CSMD1: variants seen among roughly 807,000 people sequenced by gnomAD.
CSMD1 encodes CUB and sushi domain-containing protein 1.
CSMD1 carries 213 observed loss-of-function variants against 417.5 expected under a neutral mutation model. The observed-to-expected ratio is 0.51, with a 90% CI of 0.46 to 0.57. The LOEUF is 0.57. CSMD1 is among the 20% of genes least tolerant of loss of function. The probability of loss-of-function intolerance (pLI) is 0.00; values close to 1 mark genes in which losing one functional copy is unlikely to be tolerated. For missense variants in CSMD1, 6,923 were observed against 4,529.7 expected, an observed-to-expected ratio of 1.53 and a Z score of -15.17; for synonymous variants, 2,862 against 1,736.8, an observed-to-expected ratio of 1.65 and a Z score of -16.11.
intron 26 of CSMD1, among the ~76,000 whole-genome samples, chr8:3,251,150 C>G (rs905062383): frequency 2.0e-4 from 31 of 152,192 alleles, no homozygotes; most frequent in Non-Finnish European, 3.5e-4. Context: ...TGCCTATGTC[C>G]TGAATGGTAT....
chr8:3,133,294 C>T (rs1817894636), intron 41 of CSMD1, among the ~76,000 whole-genome samples: 1 of 152,214 alleles, frequency 6.6e-6, no homozygotes, highest in Non-Finnish European at 1.5e-5. Flanking sequence ...TTCTATCTCA[C>T]TGCTCTCTCA....
At chr8:4,972,705 T>C (rs553031368) in intron 1 of CSMD1, among the ~76,000 whole-genome samples, 4 of 142,514 alleles carry the variant, frequency 2.8e-5, no homozygotes, top group East Asian at 1.9e-4. Flanking sequence ...TTTAAAACTT[T>C]TGCTTTAGGT....
intron 1 of CSMD1, among the ~76,000 whole-genome samples, chr8:4,859,198 A>C (rs545628358): frequency 6.6e-6 from 1 of 152,050 alleles, no homozygotes; most frequent in Non-Finnish European, 1.5e-5. Flanking sequence ...GGTGCTGGGA[A>C]AACTGGCTAG....
At chr8:3,178,591 G>A (rs1453383005) in intron 37 of CSMD1, among the ~76,000 whole-genome samples, 3 of 152,090 alleles carry the variant, frequency 2.0e-5, no homozygotes, top group Non-Finnish European at 1.5e-5. Flanking sequence ...CTAGGACCCA[G>A]GAAGGCTAAA....
intron 5 of CSMD1, among the ~76,000 whole-genome samples, chr8:3,899,489 G>A (rs1312048402): frequency 6.6e-6 from 1 of 152,118 alleles, no homozygotes; most frequent in Non-Finnish European, 1.5e-5. Context: ...GTAGAAACTA[G>A]ACCTGGAAGG....
chr8:3,036,089 G>C (rs1810657408), intron 50 of CSMD1, among the ~76,000 whole-genome samples: 1 of 152,114 alleles, frequency 6.6e-6, no homozygotes, highest in East Asian at 1.9e-4. Context: ...GTGCATAAAA[G>C]ACACATTGCC....
intron 39 of CSMD1, among the ~76,000 whole-genome samples, chr8:3,153,931 A>G (rs554644548): frequency 1.3e-5 from 2 of 152,252 alleles, no homozygotes; most frequent in Middle Eastern, 3.4e-3. Flanking sequence ...AAGCGTAAAA[A>G]CAGAGCTCCC....
intron 1 of CSMD1, among the ~76,000 whole-genome samples, chr8:4,675,623 A>T (rs193149178): frequency 4.7e-4 from 71 of 151,696 alleles, no homozygotes; most frequent in African/African-American, 1.6e-3. Flanking sequence ...GACAGAATAA[A>T]CATAAAAAAA....
chr8:3,981,357 G>T (rs904655330), intron 5 of CSMD1, among the ~76,000 whole-genome samples: 3 of 152,030 alleles, frequency 2.0e-5, no homozygotes, highest in South Asian at 2.1e-4. Flanking sequence ...AGAGTGGAAG[G>T]GGGGTGAAGG....
chr8:3,546,498 C>T (rs186394937), intron 10 of CSMD1, among the ~76,000 whole-genome samples: 5 of 150,740 alleles, frequency 3.3e-5, no homozygotes, highest in Admixed American at 6.6e-5. Flanking sequence ...ATCCTGCCAC[C>T]GCACTCCAGC....
intron 52 of CSMD1, among the ~76,000 whole-genome samples, chr8:3,012,221 A>T (rs1315354223): frequency 2.0e-5 from 3 of 152,222 alleles, no homozygotes; most frequent in African/African-American, 4.8e-5. Context: ...AATTTCTCAC[A>T]AGGTTCTTCT....
chr8:3,956,537 T>G (rs942144298), intron 5 of CSMD1, among the ~76,000 whole-genome samples: 4 of 152,226 alleles, frequency 2.6e-5, no homozygotes, highest in African/African-American at 9.6e-5. Flanking sequence ...GTAAAAATAA[T>G]GGCTACTTTT....
chr8:4,633,471 G>A (rs141466016), intron 2 of CSMD1, among the ~76,000 whole-genome samples: 1,938 of 151,870 alleles, frequency 0.013, 19 homozygotes, highest in Middle Eastern at 0.024. Flanking sequence ...GGATGGTCTC[G>A]ATCTACTGAC....
intron 1 of CSMD1, among the ~76,000 whole-genome samples, chr8:4,719,638 T>C (rs1400145799): frequency 1.3e-5 from 2 of 152,204 alleles, no homozygotes; most frequent in Admixed American, 1.3e-4. Flanking sequence ...TTTTCCTATT[T>C]TGTTCAAAAG....
chr8:4,915,220 C>CAT (rs137975398), intron 1 of CSMD1, among the ~76,000 whole-genome samples: 3 of 129,728 alleles, frequency 2.3e-5, no homozygotes, highest in Admixed American at 7.3e-5. Flanking sequence ...TTATACATAA[C>CAT]ATATATATAA....
At chr8:4,386,594 G>A (rs1047527376) in intron 3 of CSMD1, among the ~76,000 whole-genome samples, 10 of 152,178 alleles carry the variant, frequency 6.6e-5, no homozygotes, top group African/African-American at 2.2e-4. Flanking sequence ...GTTACGGCAG[G>A]GCATGCAGTT....
At chr8:4,733,829 A>C (rs1193466243) in intron 1 of CSMD1, among the ~76,000 whole-genome samples, 1 of 152,330 alleles carries the variant, frequency 6.6e-6, no homozygotes, top group East Asian at 1.9e-4. Flanking sequence ...GCCTTATTTT[A>C]TTATCACTGA....
At chr8:4,601,833 G>A (rs979950894) in intron 2 of CSMD1, among the ~76,000 whole-genome samples, 2 of 152,132 alleles carry the variant, frequency 1.3e-5, no homozygotes, top group South Asian at 2.1e-4. Flanking sequence ...TGAGGTTAGC[G>A]TGCATCTTTC....
intron 23 of CSMD1, among the ~76,000 whole-genome samples, chr8:3,311,285 T>C (rs1428604367): frequency 6.6e-6 from 1 of 152,138 alleles, no homozygotes; most frequent in East Asian, 1.9e-4. Flanking sequence ...GCAGTCTGTC[T>C]GTTGCCCAGG....
Sources: gnomAD v4.1 joint callset for allele counts (sites outside exome capture counted in the v4.1 genomes callset) on GRCh38, gnomAD v4.1.1 for gene constraint, MANE v1.5 for transcripts, NCBI Gene and HGNC (gene_info 2026-07-23, HGNC 2026-07-21) for gene names.